The following CASD1 variants were observed in gnomAD, a reference collection of about 807,000 sequenced individuals.
CASD1 encodes CAS1 domain sialic acid O acetyltransferase 1.
CASD1 carries 41 observed loss-of-function variants against 100.0 expected under a neutral mutation model. That is an observed-to-expected ratio of 0.41 (90% CI 0.32 to 0.53). CASD1 has a LOEUF of 0.53. Ranked by LOEUF, CASD1 falls within the 20% of genes least tolerant of loss-of-function variation. CASD1 has a pLI of 0.25. For synonymous variants in CASD1, 321 were observed against 315.6 expected, an observed-to-expected ratio of 1.02 and a Z score of -0.18; for missense variants, 774 against 948.7, an observed-to-expected ratio of 0.82 and a Z score of 2.42.
rs1796110974 is a variant in CASD1, at chr7:94,554,548, T to C, written c.2100T>C (p.Phe700=). 6.2e-7 allele frequency: 1 copy of C among 1,612,090 alleles called. No homozygotes were observed. Among genetic ancestry groups the C allele is most frequent in the Admixed American group, 1.7e-5 (1 of 59,922 alleles). ...CCCGTTCAGTTTACAGTTCATTTTT[T>C]GCTTGGTTTGGAAAAATTTCATTAG... ...GYARSVYSSF[F]AWFGKISLEL... The change falls in exon 17 of 18, where the codon TTT becomes TTC. Residue 700 remains phenylalanine (F), a synonymous_variant. Coordinates refer to ENST00000297273, the MANE Select transcript of CASD1 (RefSeq NM_022900.5).
chr7:94,618,778 G>A, the CASD1 span: 2 of 1,613,800 alleles, frequency 1.2e-6, no homozygotes, highest in Non-Finnish European at 1.7e-6. Flanking sequence ...GGTCATTAAT[G>A]GGAAGTGGCA....
At chr7:94,542,934 C>A (rs1443945747) in intron 10 of CASD1, among the ~76,000 whole-genome samples, 1 of 152,110 alleles carries the variant, frequency 6.6e-6, no homozygotes, top group African/African-American at 2.4e-5. Context: ...TAAATAAAAA[C>A]TCTTTGTTTG....
rs373519158 is a variant in CASD1, at chr7:94,555,748, C to G, written c.2384C>G (p.Ser795Ter). 6.2e-7 allele frequency: 1 copy of G among 1,611,142 alleles called. No homozygotes were observed. The highest frequency in any genetic ancestry group is 8.5e-7 in the Non-Finnish European group (1 of 1,178,872). ...ATCTTATCATCCATTCAAGATAAAT[C>G]AAAACATTAGGTTCCAAAAATTCTA... ...LLILSSIQDK[S>*]KH The change falls in exon 18 of 18, where the codon TCA becomes TGA. Residue 795 changes from serine to a stop codon, truncating the protein, a stop_gained. Coordinates refer to ENST00000297273, the MANE Select transcript of CASD1 (RefSeq NM_022900.5). LOFTEE classifies it high-confidence loss of function.
At chr7:94,615,202 T>C in the CASD1 span, among the ~76,000 whole-genome samples, 5 of 151,848 alleles carry the variant, frequency 3.3e-5, no homozygotes, top group Admixed American at 2.0e-4. Flanking sequence ...CTACTGAAAA[T>C]ACAAAAATTA....
At chr7:94,629,840 C>T in the CASD1 span, 5 of 1,610,384 alleles carry the variant, frequency 3.1e-6, no homozygotes, top group Non-Finnish European at 4.2e-6. Flanking sequence ...AAATACTGTA[C>T]ACTGAAAACA....
Position 94,555,950 on chromosome 7 carries a change from AAAAC to A in CASD1, c.*208_*211del, listed in dbSNP as rs549868569. 1,472 of 554,786 alleles carry A rather than the reference AAAAC, an allele frequency of 2.7e-3. 5 individuals are homozygous for A. Among genetic ancestry groups the A allele is most frequent in the African/African-American group, 4.6e-3 (243 of 53,064 alleles). The allele number at this position is 554,786 out of a possible 1,614,324, so 34.4% of individuals were successfully genotyped here. A position where few individuals can be genotyped will look rare whatever the true frequency, so the allele number is the denominator to read the frequency against. On this transcript the variant is annotated 3_prime_UTR_variant, in exon 18 of 18. Coordinates refer to ENST00000297273, the MANE Select transcript of CASD1 (RefSeq NM_022900.5). ...ATGTACATATCCAATATGAAATACT[AAAAC>A]AAACAAACAAACAAAAAACCAGAAT... is the stretch of plus-strand genomic sequence containing the variant.
chr7:94,554,249 A>G, intron 16 of CASD1: 1 of 337,316 alleles, frequency 3.0e-6, no homozygotes, highest in Non-Finnish European at 5.4e-6. Context: ...TCAGCCATGT[A>G]CTACTTAAAA....
At chr7:94,544,325 A>G in intron 10 of CASD1, 86 bp from the exon 11 acceptor site, 1 of 1,483,280 alleles carries the variant, frequency 6.7e-7, no homozygotes, top group Non-Finnish European at 9.2e-7. Context: ...ATAATCATTT[A>G]TTATCTTTGT....
chr7:94,588,415 G>A, the CASD1 span: 1 of 1,233,124 alleles, frequency 8.1e-7, no homozygotes, highest in Non-Finnish European at 1.0e-6. Context: ...GAACTTCACT[G>A]AAGGAAAGGG....
the CASD1 span, chr7:94,628,697 T>C: frequency 1.2e-5 from 3 of 259,848 alleles, no homozygotes; most frequent in Non-Finnish European, 2.2e-5. Context: ...GTACTCATTC[T>C]TTTGCGAAAT....
chr7:94,626,343 C>T, the CASD1 span: 4 of 151,934 alleles, frequency 2.6e-5, no homozygotes, highest in Admixed American at 6.6e-5. Flanking sequence ...ACAAATCCTT[C>T]CCTATCCATA....
chr7:94,529,788 A>T (rs905428268), intron 5 of CASD1, among the ~76,000 whole-genome samples: 1 of 152,188 alleles, frequency 6.6e-6, no homozygotes, highest in Non-Finnish European at 1.5e-5. Context: ...TTATGAAAGT[A>T]CCATGGATAG....
intron 5 of CASD1, among the ~76,000 whole-genome samples, chr7:94,530,478 C>T (rs1794800077): frequency 6.6e-6 from 1 of 152,044 alleles, no homozygotes; most frequent in Non-Finnish European, 1.5e-5. Context: ...TTTATTTTAT[C>T]TATTTTTTAA....
At chr7:94,577,175 T>C in the CASD1 span, among the ~76,000 whole-genome samples, 1 of 152,202 alleles carries the variant, frequency 6.6e-6, no homozygotes, top group Non-Finnish European at 1.5e-5. Context: ...ATTGATTTAT[T>C]TCCTATGTAT....
At chr7:94,515,730 C>T (rs913307659) in intron 1 of CASD1, among the ~76,000 whole-genome samples, 1 of 151,796 alleles carries the variant, frequency 6.6e-6, no homozygotes, top group Non-Finnish European at 1.5e-5. Flanking sequence ...CCCCCCTCCC[C>T]CTAGAAAAGG....
At chr7:94,602,601 G>A in the CASD1 span, among the ~76,000 whole-genome samples, 1 of 150,574 alleles carries the variant, frequency 6.6e-6, no homozygotes, top group Non-Finnish European at 1.5e-5. Flanking sequence ...AAAAAACAAA[G>A]AATTGAAACA....
At chr7:94,541,468 A>T (rs1177609062) in intron 10 of CASD1, among the ~76,000 whole-genome samples, 4 of 150,608 alleles carry the variant, frequency 2.7e-5, no homozygotes, top group Non-Finnish European at 5.9e-5. Flanking sequence ...ATATAGATGA[A>T]ATGTTGTAAA....
At chr7:94,593,978 C>T in the CASD1 span, among the ~76,000 whole-genome samples, 3 of 152,212 alleles carry the variant, frequency 2.0e-5, no homozygotes, top group Non-Finnish European at 4.4e-5. Flanking sequence ...TCCAAATTCC[C>T]ATACTCAGAG....
chr7:94,527,272 A>T (rs1299717311), intron 4 of CASD1, 66 bp downstream of exon 4: 27 of 1,107,592 alleles, frequency 2.4e-5, no homozygotes, highest in Non-Finnish European at 3.6e-5. Context: ...TTAATTGAAC[A>T]TACTAAGTAT....
Sources: allele counts gnomAD v4.1 joint callset (sites outside exome capture counted in the v4.1 genomes callset), GRCh38; gene constraint gnomAD v4.1.1; transcripts MANE v1.5; gene names NCBI Gene and HGNC (gene_info 2026-07-23, HGNC 2026-07-21).